The following CUX1 variants were observed in gnomAD, a reference collection of about 807,000 sequenced individuals.
CUX1 encodes protein CASP.
In CUX1, 31 loss-of-function variants were observed where a neutral mutation model predicts 158.8. That is an observed-to-expected ratio of 0.20 (90% CI 0.15 to 0.26). CUX1 has a LOEUF of 0.26. Ranked by LOEUF, CUX1 falls within the 10% of genes least tolerant of loss-of-function variation. The pLI is 1.00. For missense variants in CUX1, 1,589 were observed against 2,014.6 expected, an observed-to-expected ratio of 0.79 and a Z score of 4.04; for synonymous variants, 879 against 862.1, an observed-to-expected ratio of 1.02 and a Z score of -0.34.
chr7:102,283,368 G>A lies in CUX1; in HGVS notation c.*278G>A, dbSNP rs41275221. ...ACCTCAGGTTAGGGCTCTGCCCGCAGCCTGACCTCTAGCCCTGGTGGCAGA... is the reference window on the plus strand; with the variant it reads ...ACCTCAGGTTAGGGCTCTGCCCGCAACCTGACCTCTAGCCCTGGTGGCAGA... On this transcript the variant is annotated 3_prime_UTR_variant, in exon 23 of 23. Transcript: ENST00000292538. The A allele has an allele frequency of 2.3e-3, 1,124 of 485,626 alleles. 6 individuals are homozygous for A. Among genetic ancestry groups the A allele is most frequent in the Middle Eastern group, 5.8e-3 (10 of 1,738 alleles). 30.1% of individuals were successfully genotyped at this position (485,626 alleles called of 1,614,324 possible).
chr7:101,997,154 C>T (rs1184675943), intron 2 of CUX1, among the ~76,000 whole-genome samples: 1 of 151,980 alleles, frequency 6.6e-6, no homozygotes, highest in Non-Finnish European at 1.5e-5. Context: ...CTGAATTGGG[C>T]CCTTGCACAC....
chr7:102,266,176 C>G (rs546181739), intron 14 of CUX1, among the ~76,000 whole-genome samples: 29 of 147,948 alleles, frequency 2.0e-4, no homozygotes, highest in Admixed American at 8.8e-4. Flanking sequence ...TGCACTCTAG[C>G]CTGGGTGACA....
chr7:102,185,366 A>G (rs559146183), intron 11 of CUX1, among the ~76,000 whole-genome samples: 1 of 152,266 alleles, frequency 6.6e-6, no homozygotes, highest in African/African-American at 2.4e-5. Flanking sequence ...TAGATAAGGA[A>G]ACTGAGGCTT....
At chr7:101,896,027 T>C (rs1801476078) in intron 1 of CUX1, among the ~76,000 whole-genome samples, 1 of 150,962 alleles carries the variant, frequency 6.6e-6, no homozygotes, top group African/African-American at 2.4e-5. Context: ...GCTGGGACTA[T>C]AGGCATGCAC....
intron 3 of CUX1, among the ~76,000 whole-genome samples, chr7:102,040,523 G>A (rs1821944042): frequency 6.6e-6 from 1 of 152,188 alleles, no homozygotes; most frequent in Admixed American, 6.5e-5. Flanking sequence ...AAGACGTACA[G>A]TAGAAAGCAA....
chr7:101,988,540 C>T (rs907006010), intron 2 of CUX1, among the ~76,000 whole-genome samples: 2 of 152,108 alleles, frequency 1.3e-5, no homozygotes, highest in African/African-American at 4.8e-5. Context: ...CCTCCAGGTC[C>T]GATTCCACAG....
In CUX1 at chr7:102,097,381, G is replaced by C; in HGVS notation, c.286G>C (p.Asp96His). ...TTGTGCAGATCCCGTACCAGCTTTG[G>C]ATCTCGGACAGCAACTCCAGCTCAA... ...IDVPDPVPAL[D>H]LGQQLQLKVQ... The change falls in exon 5 of 24, where the codon GAT becomes CAT. Residue 96 changes from aspartate to histidine, a missense_variant. Asp to His is a moderately conservative substitution (Grantham distance 81). Coordinates refer to ENST00000292535, the MANE Select transcript of CUX1 (RefSeq NM_181552.4). 6.2e-7 allele frequency: 1 copy of C among 1,608,640 alleles called. No homozygotes were observed. Among genetic ancestry groups the C allele is most frequent in the Non-Finnish European group, 8.5e-7 (1 of 1,178,856 alleles).
At chr7:101,903,409 G>T (rs551080723) in intron 1 of CUX1, among the ~76,000 whole-genome samples, 1 of 152,306 alleles carries the variant, frequency 6.6e-6, no homozygotes, top group East Asian at 1.9e-4. Context: ...TTGCAGAGCC[G>T]AAGATTGTAG....
At chr7:102,011,683 C>T (rs1264350043) in intron 2 of CUX1, among the ~76,000 whole-genome samples, 2 of 151,972 alleles carry the variant, frequency 1.3e-5, no homozygotes, top group Non-Finnish European at 2.9e-5. Flanking sequence ...GCCTGGCCTT[C>T]TGCCTTTTTT....
In CUX1 at chr7:102,255,132, C is replaced by T; in HGVS notation, c.*6090C>T. 2.0e-6 allele frequency: 2 copies of T among 985,380 alleles called. No homozygotes were observed. The highest frequency in any genetic ancestry group is 2.4e-6 in the Non-Finnish European group (2 of 829,900). 61.0% of individuals were successfully genotyped at this position (985,380 alleles called of 1,614,324 possible). A position where few individuals can be genotyped will look rare whatever the true frequency, so the allele number is the denominator to read the frequency against. On this transcript the variant is annotated 3_prime_UTR_variant, in exon 24 of 24. Transcript: ENST00000292535. ...CCCCGGCGGCCTGTGCTCCTCACCA[C>T]CCTGGTCAGGGGAATAGAAGGAAAT...
exon 23 of CUX1, chr7:102,283,141 G>A: frequency 7.0e-7 from 1 of 1,422,308 alleles, no homozygotes; most frequent in Non-Finnish European, 9.9e-7. Flanking sequence ...CACCCCGACT[G>A]CTCAGTGCAT....
Position 102,135,534 on chromosome 7 carries a change from G to T in CUX1, c.674+20261G>T, listed in dbSNP as rs57230253. 1.2e-3 allele frequency among the ~76,000 whole-genome samples: 175 copies of T among 151,868 alleles called. 2 individuals carry two copies. The East Asian group carries it at 0.032, about 27-fold the overall frequency. On this transcript the variant is annotated intron_variant, in intron 8 of 23. Coordinates refer to ENST00000292535, the MANE Select transcript of CUX1 (RefSeq NM_181552.4). ...AGTTGAAGTGGAACCATATTGTTCA[G>T]ACCCATATTTGAGGGTCAACTTGTG... is the stretch of plus-strand genomic sequence containing the variant.
At chr7:102,263,623 G>T (rs1281752076) in intron 14 of CUX1, among the ~76,000 whole-genome samples, 1 of 151,676 alleles carries the variant, frequency 6.6e-6, no homozygotes, top group Non-Finnish European at 1.5e-5. Flanking sequence ...GCCGAAAGGG[G>T]TTAAAGTTTT....
At chr7:102,205,962 C>T (rs1357796986) in intron 20 of CUX1, among the ~76,000 whole-genome samples, 1 of 152,192 alleles carries the variant, frequency 6.6e-6, no homozygotes, top group East Asian at 1.9e-4. Flanking sequence ...ACAGCCAGCA[C>T]TGTGAGCTGG....
At chr7:101,966,481 G>C (rs1811228100) in intron 2 of CUX1, among the ~76,000 whole-genome samples, 1 of 152,134 alleles carries the variant, frequency 6.6e-6, no homozygotes, top group Non-Finnish European at 1.5e-5. Flanking sequence ...TGGTGTTACT[G>C]TTTGCTTGAT....
At chr7:102,117,326 A>C (rs1440125787) in intron 8 of CUX1, among the ~76,000 whole-genome samples, 1 of 138,796 alleles carries the variant, frequency 7.2e-6, no homozygotes, top group Non-Finnish European at 1.5e-5. Flanking sequence ...TGAACTCTGG[A>C]GGCAGAGATT....
intron 8 of CUX1, among the ~76,000 whole-genome samples, chr7:102,137,437 A>G (rs1469697489): frequency 6.6e-6 from 1 of 152,134 alleles, no homozygotes; most frequent in Non-Finnish European, 1.5e-5. Flanking sequence ...CAAGTTCAAG[A>G]CCACACTGGC....
chr7:101,845,615 A>G (rs921237724), intron 1 of CUX1, among the ~76,000 whole-genome samples: 1 of 152,320 alleles, frequency 6.6e-6, no homozygotes, highest in African/African-American at 2.4e-5. Context: ...CATGACTTAC[A>G]TGGCACATCG....
In CUX1 at chr7:102,024,889, G is replaced by A. The variant is rs553899923; in HGVS notation, c.142-3209G>A. Reference sequence around the variant, plus strand: ...CTGCTGTCGCAACCTGCCATGCGCCGAGTGGCTTAAAACAACAGAAATTTA... The same window carrying A: ...CTGCTGTCGCAACCTGCCATGCGCCAAGTGGCTTAAAACAACAGAAATTTA... On this transcript the variant is annotated intron_variant, in intron 2 of 23. Coordinates refer to ENST00000292535, the MANE Select transcript of CUX1 (RefSeq NM_181552.4). Among the ~76,000 whole-genome samples the A allele has an allele frequency of 9.9e-4, 151 of 152,252 alleles. 1 individual carries two copies. Among genetic ancestry groups the A allele is most frequent in the Non-Finnish European group, 1.8e-3 (125 of 68,016 alleles).
Sources: allele counts gnomAD v4.1 joint callset (sites outside exome capture counted in the v4.1 genomes callset), GRCh38; gene constraint gnomAD v4.1.1; transcripts MANE v1.5; gene names NCBI Gene and HGNC (gene_info 2026-07-23, HGNC 2026-07-21).